ABCC3: variants seen among roughly 807,000 people sequenced by gnomAD.
ABCC3 encodes the protein ATP binding cassette subfamily C member 3, also known as ATP-binding cassette sub-family C member 3.
In ABCC3, 121 loss-of-function variants were observed where a neutral mutation model predicts 165.3. The ratio of observed to expected loss-of-function variants is 0.73; its 90% CI spans 0.63 to 0.85. The LOEUF is 0.85. ABCC3 is among the 40% of genes least tolerant of loss of function. The pLI, the probability that ABCC3 is intolerant of heterozygous loss-of-function variation, is 0.00. For missense variants in ABCC3, 1,869 were observed against 1,964.1 expected (o/e 0.95, Z 0.92); for synonymous variants, 733 against 810.1 (o/e 0.90, Z 1.62).
intron 1 of ABCC3, among the ~76,000 whole-genome samples, chr17:50,653,289 T>G (rs1967147993): frequency 7.6e-6 from 1 of 131,778 alleles, no homozygotes; most frequent in African/African-American, 3.0e-5. Flanking sequence ...GTGGTTGCAG[T>G]GAACCGAGAT....
chr17:50,662,473 CA>C (rs2146613105), intron 8 of ABCC3, among the ~76,000 whole-genome samples: 1 of 151,830 alleles, frequency 6.6e-6, no homozygotes, highest in African/African-American at 2.4e-5. Flanking sequence ...CCTGTCTCTA[CA>C]AAAAAGTTAA....
chr17:50,681,607 A>C (rs532412628), intron 26 of ABCC3, among the ~76,000 whole-genome samples: 3 of 152,106 alleles, frequency 2.0e-5, no homozygotes, highest in Non-Finnish European at 4.4e-5. Context: ...GTCATGAAGC[A>C]TGGTTTAAAG....
At chr17:50,668,076 A>C (rs1019064340) in intron 13 of ABCC3, 67 bp downstream of exon 13, 17 of 1,376,500 alleles carry the variant, frequency 1.2e-5, no homozygotes, top group Non-Finnish European at 1.6e-5. Context: ...GGGAAGGGTC[A>C]CTTAGGGCAA....
intron 1 of ABCC3, among the ~76,000 whole-genome samples, chr17:50,649,585 AAAG>A (rs149008540): frequency 0.29 from 43,289 of 148,592 alleles, 6,591 homozygotes; most frequent in Middle Eastern, 0.41. Context: ...TTTGTCAAAA[AAAG>A]AAGGAGAGGA....
At chr17:50,671,519 G>T (rs1010666992) in intron 17 of ABCC3, among the ~76,000 whole-genome samples, 2 of 151,906 alleles carry the variant, frequency 1.3e-5, no homozygotes, top group Non-Finnish European at 2.9e-5. Context: ...CTGAAACTAG[G>T]TAATTTATAA....
chr17:50,672,274 T>C (rs1967664586), intron 17 of ABCC3, among the ~76,000 whole-genome samples: 3 of 152,242 alleles, frequency 2.0e-5, no homozygotes, highest in Admixed American at 2.0e-4. Flanking sequence ...CCAGCATTTG[T>C]CTTTTCGTGA....
At position 50,677,854 on chromosome 17, in the gene ABCC3, C is replaced by T; in HGVS notation, c.3489C>T (p.Ala1163=). Residue 1163 remains alanine (A), a synonymous_variant, in exon 24 of 31, where the codon GCC becomes GCT. Transcript: ENST00000285238. ...ETVTGASVIR[A]YNRSRDFEII... is the part of the protein sequence containing the mutation. ...TGACTGGTGCCAGTGTCATCCGGGC[C>T]TACAACCGCAGCCGGGATTTTGAGA... 6.2e-7 allele frequency: 1 copy of T among 1,614,172 alleles called. No homozygotes were observed. Among genetic ancestry groups the T allele is most frequent in the East Asian group, 2.2e-5 (1 of 44,886 alleles).
intron 1 of ABCC3, among the ~76,000 whole-genome samples, chr17:50,654,864 G>A (rs1597844814): frequency 2.6e-5 from 4 of 150,948 alleles, no homozygotes; most frequent in South Asian, 2.1e-4. Context: ...AGGCCGAGGC[G>A]GGCAGGTCGT....
chr17:50,643,749 A>G, intron 1 of ABCC3: 1 of 406,560 alleles, frequency 2.5e-6, no homozygotes, highest in Non-Finnish European at 5.0e-6. Flanking sequence ...TAGGTTGAGC[A>G]AGGGGGTAGG....
At position 50,665,204 on chromosome 17, in the gene ABCC3, C is replaced by T. The variant is rs752594239; in HGVS notation, c.1390C>T (p.Pro464Ser). 3 of 1,559,124 alleles carry T rather than the reference C, an allele frequency of 1.9e-6. No individual in the cohort carries two copies. Among genetic ancestry groups the T allele is most frequent in the African/African-American group, 2.7e-5 (2 of 72,764 alleles). Residue 464 changes from proline (P) to serine (S), a missense_variant, in exon 11 of 31, where the codon CCA becomes TCA. Physicochemically the swap from Pro to Ser is moderately conservative, Grantham distance 74 (BLOSUM62 -1). Coordinates refer to ENST00000285238, the MANE Select transcript of ABCC3 (RefSeq NM_003786.4). ...AGVAFMVLLIPLNGAVAVKMR... is the reference protein window; with the variant it reads ...AGVAFMVLLISLNGAVAVKMR... ...AGTCGCTTTCATGGTCTTGCTGATT[C>T]CACTCAACGGAGCTGTGGCCGTGAA...
rs4148416 is a variant in ABCC3 at position 50,676,062 on chromosome 17, C to T, written c.3039C>T (p.Gly1013=). Residue 1013 remains glycine, a synonymous_variant, in exon 22 of 31, where the codon GGC becomes GGT. Coordinates refer to ENST00000285238, the MANE Select transcript of ABCC3 (RefSeq NM_003786.4). ...AGAACAACACTTCCCTGAGGCTGGG[C>T]GTCTATGCTGCTTTAGGAATTCTGC... ...SRQNNTSLRL[G]VYAALGILQG... 109,918 of 1,614,004 alleles carry T rather than the reference C, an allele frequency of 0.068. 4,905 individuals are homozygous for T. Among genetic ancestry groups the T allele is most frequent in the African/African-American group, 0.19 (14,555 of 74,946 alleles).
intron 1 of ABCC3, among the ~76,000 whole-genome samples, chr17:50,637,389 G>T (rs1170545771): frequency 6.6e-6 from 1 of 152,154 alleles, no homozygotes; most frequent in East Asian, 1.9e-4. Context: ...TACAAAAAAG[G>T]CCTGGAGTTC....
At chr17:50,690,348 G>C (rs957850811) in intron 30 of ABCC3, among the ~76,000 whole-genome samples, 11 of 152,102 alleles carry the variant, frequency 7.2e-5, no homozygotes, top group East Asian at 3.9e-4. Context: ...GGGAGGGGAG[G>C]GGGGGCGGTG....
At chr17:50,636,942 G>A (rs2054186113) in intron 1 of ABCC3, among the ~76,000 whole-genome samples, 1 of 152,174 alleles carries the variant, frequency 6.6e-6, no homozygotes, top group Non-Finnish European at 1.5e-5. Flanking sequence ...AAGACAGAGT[G>A]CTGGGCTGGG....
In ABCC3 at chr17:50,668,902, G is replaced by A; in HGVS notation, c.1920G>A (p.Leu640=). The change falls in exon 15 of 31, where the codon CTG becomes CTA. Residue 640 remains leucine, a synonymous_variant. Transcript: ENST00000285238. ...HSGTFTWAQD[L]PPTLHSLDIQ... is the part of the protein sequence containing the mutation. ...GCACCTTCACCTGGGCCCAGGACCT[G>A]CCCCCCACTCTGCACAGGTACCAGC... 2 of 1,613,988 alleles carry A rather than the reference G, an allele frequency of 1.2e-6. No homozygotes were observed. The highest frequency in any genetic ancestry group is 1.7e-6 in the Non-Finnish European group (2 of 1,179,944).
At chr17:50,649,676 G>A (rs1204372130) in intron 1 of ABCC3, among the ~76,000 whole-genome samples, 2 of 144,064 alleles carry the variant, frequency 1.4e-5, no homozygotes, top group Non-Finnish European at 3.0e-5. Flanking sequence ...AGAAGGAAGG[G>A]AGGGAGGGAA....
chr17:50,656,740 C>G lies in ABCC3; in HGVS notation c.261C>G (p.Asp87Glu). 1 of 1,614,016 alleles carries G rather than the reference C, an allele frequency of 6.2e-7. No individual in the cohort carries two copies. The highest frequency in any genetic ancestry group is 1.1e-5 in the South Asian group (1 of 91,064). The change falls in exon 3 of 31, where the codon GAC becomes GAG. Residue 87 changes from aspartate (D) to glutamate (E), a missense_variant. Physicochemically the swap from Asp to Glu is conservative, Grantham distance 45 (BLOSUM62 2). Coordinates refer to ENST00000285238, the MANE Select transcript of ABCC3 (RefSeq NM_003786.4). ...GVLLWCVSWA[D>E]LFYSFHGLVH... is the part of the protein sequence containing the mutation. ...TGCTGTGGTGCGTCTCCTGGGCGGA[C>G]CTTTTTTACTCCTTCCATGGCCTGG... is the stretch of plus-strand genomic sequence containing the variant.
chr17:50,638,909 A>G (rs1286428739), intron 1 of ABCC3, among the ~76,000 whole-genome samples: 2 of 152,172 alleles, frequency 1.3e-5, no homozygotes, highest in Non-Finnish European at 2.9e-5. Context: ...GAGTTGCCCA[A>G]TTTTGGAAGG....
chr17:50,638,781 C>A (rs146573875), intron 1 of ABCC3, among the ~76,000 whole-genome samples: 2 of 152,306 alleles, frequency 1.3e-5, no homozygotes, highest in Non-Finnish European at 2.9e-5. Flanking sequence ...GTGTCTCCTG[C>A]TCTGTTTTAG....
Sources: gnomAD v4.1 joint callset for allele counts (sites outside exome capture counted in the v4.1 genomes callset) on GRCh38, gnomAD v4.1.1 for gene constraint, MANE v1.5 for transcripts, NCBI Gene and HGNC (gene_info 2026-07-23, HGNC 2026-07-21) for gene names.